PEBP4: variants seen among roughly 807,000 people sequenced by gnomAD.
PEBP4 encodes phosphatidylethanolamine-binding protein 4.
PEBP4 carries 22 observed loss-of-function variants against 23.9 expected under a neutral mutation model. The ratio of observed to expected loss-of-function variants is 0.92; its 90% CI spans 0.66 to 1.31. The LOEUF (loss-of-function observed/expected upper bound fraction) is 1.31. PEBP4 is among the 40% of genes most tolerant of loss of function. The pLI, the probability that PEBP4 is intolerant of heterozygous loss-of-function variation, is 0.00. For synonymous variants in PEBP4, 112 were observed against 99.3 expected (o/e 1.13, Z -0.76); for missense variants, 324 against 281.7 (o/e 1.15, Z -1.07).
At chr8:22,723,649 T>C (rs1804564581) in intron 6 of PEBP4, among the ~76,000 whole-genome samples, 1 of 152,222 alleles carries the variant, frequency 6.6e-6, no homozygotes, top group African/African-American at 2.4e-5. Flanking sequence ...TAATTTTGTT[T>C]CCTTCTCTCT....
chr8:22,729,609 A>C (rs1219499521), intron 4 of PEBP4, among the ~76,000 whole-genome samples: 6 of 152,228 alleles, frequency 3.9e-5, no homozygotes, highest in Non-Finnish European at 8.8e-5. Flanking sequence ...CAGCATAGGC[A>C]AAGATTCTGC....
intron 4 of PEBP4, among the ~76,000 whole-genome samples, chr8:22,792,871 G>A (rs948014961): frequency 6.6e-6 from 1 of 152,160 alleles, no homozygotes; most frequent in Non-Finnish European, 1.5e-5. Flanking sequence ...CAGAAGTGAA[G>A]CTCAAATGCT....
At chr8:22,776,431 G>C (rs987190571) in intron 4 of PEBP4, among the ~76,000 whole-genome samples, 4 of 152,034 alleles carry the variant, frequency 2.6e-5, no homozygotes, top group African/African-American at 9.7e-5. Context: ...CCTGGCATGT[G>C]AGTACCTTTG....
chr8:22,903,311 T>A (rs1435414506), intron 3 of PEBP4, among the ~76,000 whole-genome samples: 3 of 152,184 alleles, frequency 2.0e-5, no homozygotes, highest in Admixed American at 2.0e-4. Context: ...AGTTTTCTCA[T>A]CTATAAAACG....
intron 4 of PEBP4, among the ~76,000 whole-genome samples, chr8:22,743,699 AC>A (rs1292426384): frequency 6.6e-6 from 1 of 152,162 alleles, no homozygotes; most frequent in Non-Finnish European, 1.5e-5. Context: ...AAGTGCATCC[AC>A]CCTGATTCTT....
At chr8:22,770,094 T>C (rs1215918530) in intron 4 of PEBP4, among the ~76,000 whole-genome samples, 2 of 152,202 alleles carry the variant, frequency 1.3e-5, no homozygotes, top group Non-Finnish European at 2.9e-5. Flanking sequence ...TAGGCAGCCA[T>C]CAGCCCCTAG....
intron 1 of PEBP4, among the ~76,000 whole-genome samples, chr8:22,939,364 G>A (rs1487724343): frequency 6.6e-6 from 1 of 152,014 alleles, no homozygotes; most frequent in African/African-American, 2.4e-5. Context: ...GCCCTTCAAT[G>A]AAAAGGAAAA....
chr8:22,898,117 C>A (rs964375018), intron 3 of PEBP4, among the ~76,000 whole-genome samples: 1 of 151,676 alleles, frequency 6.6e-6, no homozygotes, highest in African/African-American at 2.4e-5. Flanking sequence ...GCCAGCCAGG[C>A]GCAGTGGCTC....
At chr8:22,934,563 G>T (rs1482833070) in intron 1 of PEBP4, among the ~76,000 whole-genome samples, 1 of 152,200 alleles carries the variant, frequency 6.6e-6, no homozygotes, top group Non-Finnish European at 1.5e-5. Flanking sequence ...GCAGCCAGAT[G>T]CAGTGGCACA....
intron 3 of PEBP4, among the ~76,000 whole-genome samples, chr8:22,840,308 T>C (rs1807297075): frequency 6.6e-6 from 1 of 152,146 alleles, no homozygotes. Context: ...AAGAATTTTT[T>C]AAACACACAG....
intron 1 of PEBP4, among the ~76,000 whole-genome samples, chr8:22,933,178 T>G (rs1292468308): frequency 6.6e-6 from 1 of 152,156 alleles, no homozygotes; most frequent in Non-Finnish European, 1.5e-5. Flanking sequence ...GGGGTCCACT[T>G]GCAGGAGTAG....
chr8:22,856,025 G>A (rs969465721), intron 3 of PEBP4, among the ~76,000 whole-genome samples: 4 of 147,416 alleles, frequency 2.7e-5, no homozygotes, highest in Non-Finnish European at 6.0e-5. Context: ...ACTCCAGCCT[G>A]GGCGAGGGTG....
In PEBP4 at chr8:22,843,354, A is replaced by T. The variant is rs1807365856; in HGVS notation, c.259-25619T>A. On this transcript the variant is annotated intron_variant, in intron 3 of 6. Coordinates refer to ENST00000256404, the MANE Select transcript of PEBP4 (RefSeq NM_144962.3). Reference sequence around the variant, plus strand: ...CAGTTGATCTAATAGTGGAGGGGCCAGAGAAGGGCCAAGGAAGAAAGGCCA... The same window carrying T: ...CAGTTGATCTAATAGTGGAGGGGCCTGAGAAGGGCCAAGGAAGAAAGGCCA... Among the ~76,000 whole-genome samples the T allele has an allele frequency of 2.6e-5, 4 of 152,254 alleles. No individual in the cohort carries two copies. The South Asian group carries it at 6.2e-4, about 24-fold the overall frequency.
intron 3 of PEBP4, among the ~76,000 whole-genome samples, chr8:22,839,151 C>T (rs1807268950): frequency 6.6e-6 from 1 of 152,186 alleles, no homozygotes; most frequent in Admixed American, 6.5e-5. Context: ...GCAAAGGTGG[C>T]GTTTTTCACA....
intron 4 of PEBP4, among the ~76,000 whole-genome samples, chr8:22,812,945 G>C (rs1806662673): frequency 6.6e-6 from 1 of 152,200 alleles, no homozygotes; most frequent in South Asian, 2.1e-4. Context: ...GTTTCACAGA[G>C]GCGAAGTTGC....
At chr8:22,821,086 G>A (rs571314267) in intron 3 of PEBP4, among the ~76,000 whole-genome samples, 5 of 152,196 alleles carry the variant, frequency 3.3e-5, no homozygotes, top group South Asian at 4.2e-4. Flanking sequence ...CCAGCTACTC[G>A]GGAGGCTGAA....
intron 4 of PEBP4, among the ~76,000 whole-genome samples, chr8:22,780,093 TGCTGGGACCACAGGC>T (rs1225729553): frequency 1.3e-5 from 2 of 151,706 alleles, no homozygotes; most frequent in African/African-American, 4.8e-5. Flanking sequence ...GGACCACAGG[TGCTGGGACCACAGGC>T]ACGCACTATC....
At chr8:22,859,578 G>A in intron 3 of PEBP4, among the ~76,000 whole-genome samples, 1 of 152,190 alleles carries the variant, frequency 6.6e-6, no homozygotes, top group Admixed American at 6.5e-5. Flanking sequence ...CTGGCCCACA[G>A]AGTACCTGTG....
intron 4 of PEBP4, among the ~76,000 whole-genome samples, chr8:22,769,492 TC>T (rs1254450375): frequency 6.6e-6 from 1 of 152,158 alleles, no homozygotes; most frequent in South Asian, 2.1e-4. Flanking sequence ...GCAAAGACCT[TC>T]CCTGCTGTGT....
Sources: allele counts gnomAD v4.1 joint callset (sites outside exome capture counted in the v4.1 genomes callset), GRCh38; gene constraint gnomAD v4.1.1; transcripts MANE v1.5; gene names NCBI Gene and HGNC (gene_info 2026-07-23, HGNC 2026-07-21).